The following ODF2L variants were observed in gnomAD, a reference collection of about 807,000 sequenced individuals.
ODF2L encodes the protein protein BCAP.
A neutral mutation model predicts 86.3 loss-of-function variants in ODF2L; 76 were observed. The observed-to-expected ratio is 0.88, with a 90% confidence interval of 0.73 to 1.07. The LOEUF (loss-of-function observed/expected upper bound fraction) is 1.07, where lower values mean the gene tolerates loss of function less well. Among genes scored for constraint, ODF2L ranks in the 50% least tolerant of loss-of-function variants. The pLI is 0.00. For missense variants in ODF2L, 748 were observed against 717.4 expected, an observed-to-expected ratio of 1.04 and a Z score of -0.49; for synonymous variants, 241 against 231.3, an observed-to-expected ratio of 1.04 and a Z score of -0.38.
chr1:86,355,782 TA>T (rs11357149), intron 14 of ODF2L, among the ~76,000 whole-genome samples: 45,792 of 151,652 alleles, frequency 0.3, 6,916 homozygotes, highest in East Asian at 0.41. Context: ...GAAAATGCAG[TA>T]TTTTTTTTTG....
intron 2 of ODF2L, 94 bp from the exon 3 acceptor site, chr1:86,385,684 T>G (rs946455698): frequency 2.4e-6 from 2 of 848,980 alleles, no homozygotes; most frequent in Non-Finnish European, 3.6e-6. Context: ...GTACTCTTAA[T>G]AGCAAGGACA....
chr1:86,376,151 C>A, intron 8 of ODF2L, 82 bp downstream of exon 8: 1 of 672,320 alleles, frequency 1.5e-6, no homozygotes, highest in East Asian at 2.8e-5. Context: ...AATAAAATTA[C>A]TATATTAAGC....
In ODF2L at chr1:86,382,050, A is replaced by AT. The variant is rs1660624802; in HGVS notation, c.624+191dup. On this transcript the variant is annotated intron_variant, in intron 7 of 17. Coordinates refer to ENST00000317336, the Ensembl canonical transcript of ODF2L. ...TAGATTGGTATTAAACAGAGACAGCATTTTTATGTTGAAATTTGTACCCAA... is the reference window on the plus strand; with the variant it reads ...TAGATTGGTATTAAACAGAGACAGCATTTTTTATGTTGAAATTTGTACCCAA... The AT allele has an allele frequency of 1.2e-5, 8 of 676,176 alleles. No homozygotes were observed. The Admixed American group carries it at 3.5e-4, about 30-fold the overall frequency. The allele number at this position is 676,176 out of a possible 1,614,324, so 41.9% of individuals were successfully genotyped here.
exon 16 of ODF2L, chr1:86,354,596 C>G: frequency 6.2e-7 from 1 of 1,609,564 alleles, no homozygotes; most frequent in East Asian, 2.2e-5. Flanking sequence ...CTGCAGATTT[C>G]TCTTTAAACT....
In ODF2L at chr1:86,373,264, A is replaced by G. The variant is rs995151970; in HGVS notation, c.811-724T>C. Among the ~76,000 whole-genome samples, 7 of 151,382 alleles carry G rather than the reference A, an allele frequency of 4.6e-5. No homozygotes were observed. The South Asian group carries it at 1.0e-3, about 23-fold the overall frequency. ...TTAAACAATATTTCATAATTAAGAT[A>G]ATTTCTTTTCTTTTTACTGAACTTT... On this transcript the variant is annotated intron_variant, in intron 8 of 17. Coordinates refer to ENST00000317336, the Ensembl canonical transcript of ODF2L.
At chr1:86,386,683 C>T (rs542264990) in intron 2 of ODF2L, 78 of 397,588 alleles carry the variant, frequency 2.0e-4, no homozygotes, top group African/African-American at 1.4e-3. Context: ...CCATTGCGCC[C>T]GGCCAGGTTT....
chr1:86,394,317 G>T (rs1033019887), intron 1 of ODF2L, among the ~76,000 whole-genome samples: 5 of 151,580 alleles, frequency 3.3e-5, no homozygotes, highest in Admixed American at 6.6e-5. Flanking sequence ...TCGAGAGGCT[G>T]AGGCAGGAGA....
At chr1:86,377,582 A>C (rs564166869) in intron 7 of ODF2L, among the ~76,000 whole-genome samples, 1 of 152,244 alleles carries the variant, frequency 6.6e-6, no homozygotes, top group African/African-American at 2.4e-5. Context: ...ACTTCCACAC[A>C]TCCCCTGAAA....
intron 11 of ODF2L, among the ~76,000 whole-genome samples, chr1:86,368,109 A>G (rs1293114322): frequency 6.6e-6 from 1 of 152,136 alleles, no homozygotes; most frequent in Non-Finnish European, 1.5e-5. Context: ...ACTCCAAAAT[A>G]CACTAGCAGC....
chr1:86,395,603 G>A (rs1454304828), intron 1 of ODF2L, among the ~76,000 whole-genome samples: 1 of 152,112 alleles, frequency 6.6e-6, no homozygotes, highest in Non-Finnish European at 1.5e-5. Context: ...ATTTCCTGAG[G>A]ATTCCTGTAA....
intron 1 of ODF2L, among the ~76,000 whole-genome samples, chr1:86,389,095 T>C (rs935785795): frequency 1.3e-5 from 2 of 152,218 alleles, no homozygotes; most frequent in Non-Finnish European, 2.9e-5. Context: ...AAAAATGTAA[T>C]AATTTTATTT....
intron 11 of ODF2L, 62 bp from the exon 11 acceptor site, chr1:86,360,598 A>T (rs1340607036): frequency 2.9e-6 from 2 of 690,748 alleles, no homozygotes; most frequent in East Asian, 5.5e-5. Context: ...AGTGCTACAG[A>T]ATTATTATAA....
chr1:86,394,294 T>C (rs939419970), intron 1 of ODF2L, among the ~76,000 whole-genome samples: 1 of 151,900 alleles, frequency 6.6e-6, no homozygotes. Context: ...TGGGCACCTG[T>C]AGTCCCAGCT....
At position 86,372,500 on chromosome 1, in the gene ODF2L, C is replaced by T. The variant is rs973963694; in HGVS notation, c.851G>A (p.Trp284Ter). Residue 284 changes from tryptophan to a stop codon, truncating the protein, a stop_gained, in exon 9 of 18, where the codon TGG becomes TAG. Coordinates refer to ENST00000317336, the Ensembl canonical transcript of ODF2L. LOFTEE classifies it high-confidence loss of function. ...CACAATTTTCTCATAATGACTTTTC[C>T]AGGCATTGGAAGCTGAAATTGTTTC... 19 of 1,527,460 alleles carry T rather than the reference C, an allele frequency of 1.2e-5. No individual in the cohort carries two copies. Among genetic ancestry groups the T allele is most frequent in the African/African-American group, 1.4e-5 (1 of 70,494 alleles). The allele number at this position is 1,527,460 out of a possible 1,614,324, so 94.6% of individuals were successfully genotyped here.
intron 1 of ODF2L, among the ~76,000 whole-genome samples, chr1:86,391,117 G>T (rs1229291488): frequency 1.3e-5 from 2 of 152,040 alleles, no homozygotes; most frequent in Non-Finnish European, 1.5e-5. Flanking sequence ...AAATACTTAG[G>T]AATATACCTA....
intron 7 of ODF2L, among the ~76,000 whole-genome samples, chr1:86,380,737 T>C (rs1224109155): frequency 6.6e-6 from 1 of 152,134 alleles, no homozygotes; most frequent in African/African-American, 2.4e-5. Context: ...TCACATTTTA[T>C]ACAGACAATC....
intron 16 of ODF2L, among the ~76,000 whole-genome samples, chr1:86,353,773 G>A (rs1228274335): frequency 1.3e-5 from 2 of 152,142 alleles, no homozygotes. Flanking sequence ...CTGAAGCTAT[G>A]GGAGAAAGGG....
At chr1:86,380,498 A>G (rs1215882556) in intron 7 of ODF2L, among the ~76,000 whole-genome samples, 1 of 152,150 alleles carries the variant, frequency 6.6e-6, no homozygotes, top group African/African-American at 2.4e-5. Context: ...TTGCTTTCTT[A>G]GGTTAAAAAA....
exon 18 of ODF2L, chr1:86,352,186 A>C: frequency 6.6e-7 from 1 of 1,521,730 alleles, no homozygotes; most frequent in Non-Finnish European, 8.8e-7. Flanking sequence ...TTAAAAAAAT[A>C]GATTTCATGG....
Sources: gnomAD v4.1 joint callset for allele counts (sites outside exome capture counted in the v4.1 genomes callset) on GRCh38, gnomAD v4.1.1 for gene constraint, MANE v1.5 for transcripts, NCBI Gene and HGNC (gene_info 2026-07-23, HGNC 2026-07-21) for gene names.